Variants in BRIP1 observed in about 807,000 individuals in gnomAD.
BRIP1 encodes Fanconi anemia group J protein.
BRIP1 carries 88 observed loss-of-function variants against 119.7 expected under a neutral mutation model. The ratio of observed to expected loss-of-function variants is 0.74; its 90% confidence interval spans 0.62 to 0.88. The LOEUF (loss-of-function observed/expected upper bound fraction) is 0.88. BRIP1 is among the 40% of genes least tolerant of loss of function. The pLI is 0.00. For missense variants in BRIP1, 1,259 were observed against 1,455.4 expected, an observed-to-expected ratio of 0.87 and a Z score of 2.20; for synonymous variants, 443 against 496.5, an observed-to-expected ratio of 0.89 and a Z score of 1.43.
chr17:61,819,946 A>G (rs991333373), intron 6 of BRIP1, among the ~76,000 whole-genome samples: 6 of 152,030 alleles, frequency 3.9e-5, no homozygotes, highest in African/African-American at 1.4e-4. Context: ...TTACCCTAAT[A>G]TGATTATTAC....
chr17:61,711,211 T>C (rs2061768953), intron 17 of BRIP1, among the ~76,000 whole-genome samples: 1 of 152,146 alleles, frequency 6.6e-6, no homozygotes, highest in South Asian at 2.1e-4. Context: ...CAAATATGAC[T>C]TCTGTTTCAC....
intron 4 of BRIP1, among the ~76,000 whole-genome samples, chr17:61,854,382 T>C (rs2078864374): frequency 6.6e-6 from 1 of 151,946 alleles, no homozygotes; most frequent in South Asian, 2.1e-4. Flanking sequence ...TATAAAATGG[T>C]ATGACCACTT....
chr17:61,745,720 A>G lies in BRIP1; in HGVS notation c.2098-1129T>C, dbSNP rs1293590709. Among the ~76,000 whole-genome samples the G allele has an allele frequency of 1.3e-5, 2 of 152,220 alleles. No homozygotes were observed. Among genetic ancestry groups the G allele is most frequent in the Admixed American group, 1.3e-4 (2 of 15,286 alleles). On this transcript the variant is annotated intron_variant, in intron 14 of 19. Coordinates refer to ENST00000259008, the MANE Select transcript of BRIP1 (RefSeq NM_032043.3). This position sits in a 1 kb window ranked among gnomAD's most constrained non-coding sequence, Gnocchi z 4.4. ...ATGAGTTAAATAGAAAAAACACAGT[A>G]TAACTCATGAAATCTTTAGTTATGA...
rs1382559264 is a variant in BRIP1, at chr17:61,798,199, A to G, written c.1340+901T>C. On this transcript the variant is annotated intron_variant, in intron 9 of 19. Coordinates refer to ENST00000259008, the MANE Select transcript of BRIP1 (RefSeq NM_032043.3). The surrounding 1 kb of genome is among the most constrained non-coding windows in gnomAD (Gnocchi z 5.5). ...GCATATCTATCTAATGGAATTCTAG[A>G]TATCTATTTTTTTTTTAAACTGAGA... 6.6e-6 allele frequency among the ~76,000 whole-genome samples: 1 copy of G among 151,992 alleles called. No homozygotes were observed. Among genetic ancestry groups the G allele is most frequent in the Non-Finnish European group, 1.5e-5 (1 of 67,906 alleles).
Position 61,745,703 on chromosome 17 carries a change from A to T in BRIP1, c.2098-1112T>A, listed in dbSNP as rs1041870357. Among the ~76,000 whole-genome samples the T allele has an allele frequency of 6.6e-6, 1 of 152,240 alleles. No individual in the cohort carries two copies. Among genetic ancestry groups the T allele is most frequent in the Non-Finnish European group, 1.5e-5 (1 of 68,040 alleles). Reference sequence around the variant, plus strand: ...ATATTCTTAAAAACCATATGAGTTAAATAGAAAAAACACAGTATAACTCAT... The same window carrying T: ...ATATTCTTAAAAACCATATGAGTTATATAGAAAAAACACAGTATAACTCAT... On this transcript the variant is annotated intron_variant, in intron 14 of 19. Coordinates refer to ENST00000259008, the MANE Select transcript of BRIP1 (RefSeq NM_032043.3). The surrounding 1 kb of genome is among the most constrained non-coding windows in gnomAD (Gnocchi z 4.4).
chr17:61,714,694 G>C (rs2061831054), intron 17 of BRIP1, among the ~76,000 whole-genome samples: 1 of 152,070 alleles, frequency 6.6e-6, no homozygotes, highest in Non-Finnish European at 1.5e-5. Context: ...ATCTTAATGG[G>C]CAAGAATATT....
chr17:61,786,767 AT>A, intron 10 of BRIP1, among the ~76,000 whole-genome samples: 2 of 134,748 alleles, frequency 1.5e-5, no homozygotes, highest in African/African-American at 5.5e-5. Context: ...TATTTTATAT[AT>A]TATATATTTA....
Position 61,762,676 on chromosome 17 carries a change from T to C in BRIP1, c.2097+13725A>G, listed in dbSNP as rs1310175148. Among the ~76,000 whole-genome samples the C allele has an allele frequency of 6.6e-6, 1 of 152,044 alleles. No homozygotes were observed. ...ACAAATTAAAACCATGATGAAACAT[T>C]ACCTTATGCCTGTAACAATGGCTAC... On this transcript the variant is annotated intron_variant, in intron 14 of 19. Coordinates refer to ENST00000259008, the MANE Select transcript of BRIP1 (RefSeq NM_032043.3). This position sits in a 1 kb window ranked among gnomAD's most constrained non-coding sequence, Gnocchi z 4.3.
intron 16 of BRIP1, among the ~76,000 whole-genome samples, chr17:61,719,692 T>C (rs2061940267): frequency 6.7e-6 from 1 of 148,528 alleles, no homozygotes; most frequent in African/African-American, 2.5e-5. Flanking sequence ...ACCACTGCAC[T>C]CCAGCCTGGG....
At position 61,752,532 on chromosome 17, in the gene BRIP1, C is replaced by T. The variant is rs189707988; in HGVS notation, c.2098-7941G>A. On this transcript the variant is annotated intron_variant, in intron 14 of 19. Transcript: ENST00000259008. This position sits in a 1 kb window ranked among gnomAD's most constrained non-coding sequence, Gnocchi z 6.2. ...ATTTTTGTCTAATACAAATACAAAT[C>T]ATTTCTGTTCAGGAGAAAAGATAAC... 6.0e-4 allele frequency among the ~76,000 whole-genome samples: 91 copies of T among 152,278 alleles called. 1 individual carries two copies. Among genetic ancestry groups the T allele is most frequent in the Admixed American group, 5.9e-3 (91 of 15,296 alleles).
At chr17:61,741,281 A>G (rs2076983486) in intron 16 of BRIP1, among the ~76,000 whole-genome samples, 1 of 152,200 alleles carries the variant, frequency 6.6e-6, no homozygotes, top group East Asian at 1.9e-4. Flanking sequence ...CCACAGCTAC[A>G]GTTACTTCCT....
Position 61,839,593 on chromosome 17 carries a change from T to C in BRIP1, c.627+7508A>G, listed in dbSNP as rs1279867274. On this transcript the variant is annotated intron_variant, in intron 6 of 19. Coordinates refer to ENST00000259008, the MANE Select transcript of BRIP1 (RefSeq NM_032043.3). Reference sequence around the variant, plus strand: ...TATGACATATATCTCTTACATCTTCTTGCAAACAAAAATTCAGTGTCACAC... The same window carrying C: ...TATGACATATATCTCTTACATCTTCCTGCAAACAAAAATTCAGTGTCACAC... Among the ~76,000 whole-genome samples the C allele has an allele frequency of 2.6e-5, 4 of 152,260 alleles. No individual in the cohort carries two copies. The East Asian group carries it at 7.7e-4, about 29-fold the overall frequency.
Position 61,709,272 on chromosome 17 carries a change from G to C in BRIP1, c.2492+6679C>G, listed in dbSNP as rs1029199753. Among the ~76,000 whole-genome samples the C allele has an allele frequency of 6.6e-6, 1 of 152,114 alleles. No homozygotes were observed. The highest frequency in any genetic ancestry group is 6.5e-5 in the Admixed American group (1 of 15,272). On this transcript the variant is annotated intron_variant, in intron 17 of 19. Transcript: ENST00000259008. This position sits in a 1 kb window ranked among gnomAD's most constrained non-coding sequence, Gnocchi z 5.0. The stretch of plus-strand genomic sequence containing the variant: ...TGTTTTCCAGTGTTCAAAATGTGTT[G>C]ATATCGCTTGTCTGTCACTGTCTCC...
chr17:61,684,290 G>T lies in BRIP1; in HGVS notation c.2906-150C>A. On this transcript the variant is annotated intron_variant, in intron 19 of 19. Transcript: ENST00000259008. This position sits in a 1 kb window ranked among gnomAD's most constrained non-coding sequence, Gnocchi z 4.5. Reference sequence around the variant, plus strand: ...ACGAATACTAGTGGATTTTCATCTTGGAACAGAATATTAACTCTGAAAGAA... The same window carrying T: ...ACGAATACTAGTGGATTTTCATCTTTGAACAGAATATTAACTCTGAAAGAA... 1.1e-6 allele frequency: 1 copy of T among 907,528 alleles called. No individual in the cohort carries two copies. The highest frequency in any genetic ancestry group is 1.6e-6 in the Non-Finnish European group (1 of 618,576). The allele number at this position is 907,528 out of a possible 1,614,324, so 56.2% of individuals were successfully genotyped here.
rs1280720834 is a variant in BRIP1, at chr17:61,851,528, C to A, written c.380-2272G>T. ...AGCACCACCCAAGTTCTTCCTTTCC[C>A]CTACAAGCTGTAGGGGCACTTCTAT... is the stretch of plus-strand genomic sequence containing the variant. On this transcript the variant is annotated intron_variant, in intron 4 of 19. Transcript: ENST00000259008. The surrounding 1 kb of genome is among the most constrained non-coding windows in gnomAD (Gnocchi z 4.6). Among the ~76,000 whole-genome samples the A allele has an allele frequency of 1.3e-5, 2 of 152,062 alleles. No homozygotes were observed. Among genetic ancestry groups the A allele is most frequent in the African/African-American group, 4.8e-5 (2 of 41,388 alleles).
chr17:61,829,853 T>A (rs956505945), intron 6 of BRIP1, among the ~76,000 whole-genome samples: 1 of 151,566 alleles, frequency 6.6e-6, no homozygotes, highest in African/African-American at 2.4e-5. Flanking sequence ...TAGAGGGAAA[T>A]GTATAGCTTT....
rs183003919 is a variant in BRIP1 at position 61,804,879 on chromosome 17, G to A, written c.919-3405C>T. 4.0e-5 allele frequency among the ~76,000 whole-genome samples: 6 copies of A among 151,636 alleles called. No homozygotes were observed. The highest frequency in any genetic ancestry group is 1.5e-4 in the African/African-American group (6 of 41,348). On this transcript the variant is annotated intron_variant, in intron 7 of 19. Transcript: ENST00000259008. The surrounding 1 kb of genome is among the most constrained non-coding windows in gnomAD (Gnocchi z 4.5). ...ACTGGAAATAAAAGATTTCATTACAGGCTGAGCGCACTGGCTCATGCTTAT... is the reference window on the plus strand; with the variant it reads ...ACTGGAAATAAAAGATTTCATTACAAGCTGAGCGCACTGGCTCATGCTTAT...
intron 10 of BRIP1, among the ~76,000 whole-genome samples, chr17:61,786,186 G>A (rs924452871): frequency 2.0e-5 from 3 of 151,788 alleles, no homozygotes; most frequent in South Asian, 2.1e-4. Flanking sequence ...AAGAGAGAGC[G>A]CATGAGTGAG....
At position 61,846,782 on chromosome 17, in the gene BRIP1, A is replaced by T. The variant is rs539255577; in HGVS notation, c.627+319T>A. ...CTAGAACTCCTTGGACTACTCCTTGAGAACTGTTGCCCTAAGAATCCTGAA... is the reference window on the plus strand; with the variant it reads ...CTAGAACTCCTTGGACTACTCCTTGTGAACTGTTGCCCTAAGAATCCTGAA... On this transcript the variant is annotated intron_variant, in intron 6 of 19. Coordinates refer to ENST00000259008, the MANE Select transcript of BRIP1 (RefSeq NM_032043.3). This position sits in a 1 kb window ranked among gnomAD's most constrained non-coding sequence, Gnocchi z 4.3. 3.2e-4 allele frequency among the ~76,000 whole-genome samples: 49 copies of T among 152,344 alleles called. No homozygotes were observed. In the South Asian group the frequency reaches 9.9e-3, roughly 31 times the overall value.
Sources: gnomAD v4.1 joint callset for allele counts (sites outside exome capture counted in the v4.1 genomes callset) on GRCh38, gnomAD v4.1.1 for gene constraint, Gnocchi (gnomAD v3.1) non-coding constraint, MANE v1.5 for transcripts, NCBI Gene and HGNC (gene_info 2026-07-23, HGNC 2026-07-21) for gene names.